GALNT13: variants seen among roughly 807,000 people sequenced by gnomAD.
GALNT13 encodes the protein UDP-GalNAc:polypeptide N-acetylgalactosaminyltransferase 13.
A neutral mutation model predicts 64.2 loss-of-function variants in GALNT13; 28 were observed. That is an observed-to-expected ratio of 0.44 (90% CI 0.32 to 0.60). The LOEUF (loss-of-function observed/expected upper bound fraction) is 0.60. Among genes scored for constraint, GALNT13 ranks in the 20% least tolerant of loss-of-function variants. The pLI, the probability that GALNT13 is intolerant of heterozygous loss-of-function variation, is 0.05. For synonymous variants in GALNT13, 214 were observed against 224.6 expected (o/e 0.95, Z 0.42); for missense variants, 577 against 669.8 (o/e 0.86, Z 1.53).
At chr2:154,067,861 A>G (rs563386850) in intron 3 of GALNT13, among the ~76,000 whole-genome samples, 2 of 152,228 alleles carry the variant, frequency 1.3e-5, no homozygotes, top group South Asian at 2.1e-4. Context: ...GCAAAAATGG[A>G]CAAGTGGGAT....
chr2:153,753,077 C>T, the GALNT13 span, among the ~76,000 whole-genome samples: 6 of 151,974 alleles, frequency 3.9e-5, no homozygotes, highest in South Asian at 2.1e-4. Flanking sequence ...TTTTAGCTCC[C>T]GAATTTCTGC....
chr2:154,401,062 C>T (rs186271319), intron 10 of GALNT13, among the ~76,000 whole-genome samples: 63 of 152,218 alleles, frequency 4.1e-4, no homozygotes, highest in African/African-American at 1.5e-3. Context: ...GAAGATGTTT[C>T]GACATTAGCA....
chr2:153,630,864 A>G, the GALNT13 span, among the ~76,000 whole-genome samples: 4 of 122,818 alleles, frequency 3.3e-5, no homozygotes, highest in Middle Eastern at 5.0e-3. Flanking sequence ...CACAACGTGC[A>G]GTTTGTTACA....
chr2:154,295,234 T>TC (rs917209231), intron 8 of GALNT13, among the ~76,000 whole-genome samples: 1 of 152,018 alleles, frequency 6.6e-6, no homozygotes, highest in African/African-American at 2.4e-5. Flanking sequence ...ATGACTTTTT[T>TC]CCCCCCAATT....
At chr2:154,053,661 G>A (rs1699761617) in intron 3 of GALNT13, among the ~76,000 whole-genome samples, 1 of 152,102 alleles carries the variant, frequency 6.6e-6, no homozygotes, top group Non-Finnish European at 1.5e-5. Flanking sequence ...TCATTGGTTA[G>A]CAATATCTAG....
At chr2:153,440,502 TC>T in the GALNT13 span, among the ~76,000 whole-genome samples, 1 of 152,190 alleles carries the variant, frequency 6.6e-6, no homozygotes, top group Non-Finnish European at 1.5e-5. Flanking sequence ...TATTTCTGGT[TC>T]TAGATCCTTG....
the GALNT13 span, among the ~76,000 whole-genome samples, chr2:153,436,027 T>C: frequency 2.0e-5 from 3 of 152,220 alleles, no homozygotes; most frequent in Non-Finnish European, 4.4e-5. Context: ...GTTGAGAGTT[T>C]TTAGCATGAA....
At chr2:154,233,786 A>G (rs1242212813) in intron 4 of GALNT13, among the ~76,000 whole-genome samples, 1 of 152,128 alleles carries the variant, frequency 6.6e-6, no homozygotes, top group Non-Finnish European at 1.5e-5. Flanking sequence ...AGAGTGGAGA[A>G]AGTGGTCGGG....
chr2:153,510,334 A>G, the GALNT13 span, among the ~76,000 whole-genome samples: 2 of 152,136 alleles, frequency 1.3e-5, no homozygotes, highest in East Asian at 3.9e-4. Context: ...AACTCCACAT[A>G]AGCTACGGCC....
At chr2:153,155,171 T>C in the GALNT13 span, among the ~76,000 whole-genome samples, 44,535 of 152,090 alleles carry the variant, frequency 0.29, 6,836 homozygotes, top group Middle Eastern at 0.38. Flanking sequence ...TCATCAAGGA[T>C]ATTGGCCTGA....
the GALNT13 span, among the ~76,000 whole-genome samples, chr2:153,717,944 A>C: frequency 6.6e-6 from 1 of 152,032 alleles, no homozygotes; most frequent in Admixed American, 6.6e-5. Context: ...AAAATAAATA[A>C]AAATATCTAA....
the GALNT13 span, among the ~76,000 whole-genome samples, chr2:153,608,736 T>C: frequency 1.4e-5 from 2 of 147,772 alleles, no homozygotes; most frequent in South Asian, 4.2e-4. Context: ...GTATAACTTA[T>C]ATAAATATGT....
At chr2:153,449,502 C>T in the GALNT13 span, among the ~76,000 whole-genome samples, 1 of 152,200 alleles carries the variant, frequency 6.6e-6, no homozygotes, top group African/African-American at 2.4e-5. Context: ...GTCCCTCCTG[C>T]CCTAGAGATG....
At chr2:153,842,490 T>C in the GALNT13 span, among the ~76,000 whole-genome samples, 22 of 151,914 alleles carry the variant, frequency 1.4e-4, no homozygotes, top group Non-Finnish European at 1.9e-4. Context: ...AAACACACAG[T>C]CTCTTACAAA....
the GALNT13 span, among the ~76,000 whole-genome samples, chr2:153,275,142 C>A: frequency 6.6e-6 from 1 of 152,128 alleles, no homozygotes; most frequent in Non-Finnish European, 1.5e-5. Context: ...TCAAAAATAA[C>A]CCCTGTTAAT....
chr2:153,349,788 C>G, the GALNT13 span, among the ~76,000 whole-genome samples: 1 of 152,060 alleles, frequency 6.6e-6, no homozygotes, highest in Non-Finnish European at 1.5e-5. Flanking sequence ...TCTCTTTTTG[C>G]CAGCTTCCTT....
At chr2:154,019,602 CCACACACACACACACACACA>C (rs67316542) in intron 3 of GALNT13, among the ~76,000 whole-genome samples, 49 of 126,528 alleles carry the variant, frequency 3.9e-4, no homozygotes, top group East Asian at 9.8e-4. Context: ...GAGTAAGACT[CCACACACACACACACACACA>C]CACACACACA....
At chr2:153,908,431 T>G (rs1038731357) in intron 2 of GALNT13, among the ~76,000 whole-genome samples, 3 of 152,158 alleles carry the variant, frequency 2.0e-5, no homozygotes, top group African/African-American at 7.2e-5. Flanking sequence ...TTTGTTGCAA[T>G]TGCTTTTGGT....
intron 9 of GALNT13, among the ~76,000 whole-genome samples, chr2:154,389,884 AGTTG>A (rs1216275822): frequency 2.4e-4 from 37 of 152,150 alleles, no homozygotes; most frequent in Admixed American, 2.4e-3. Flanking sequence ...AACAGGAAGC[AGTTG>A]GTTGGTTTAG....
Sources: allele counts gnomAD v4.1 joint callset (sites outside exome capture counted in the v4.1 genomes callset), GRCh38; gene constraint gnomAD v4.1.1; transcripts MANE v1.5; gene names NCBI Gene and HGNC (gene_info 2026-07-23, HGNC 2026-07-21).